The following CDK5RAP3 variants were observed in gnomAD, a reference collection of about 807,000 sequenced individuals.
CDK5RAP3 encodes CDK5 regulatory subunit-associated protein 3.
Under a neutral mutation model 73.3 loss-of-function variants are expected in CDK5RAP3, and 58 were observed. The observed-to-expected ratio is 0.79, with a 90% confidence interval of 0.64 to 0.98. CDK5RAP3 has a LOEUF of 0.98. Ranked by LOEUF, CDK5RAP3 falls within the 50% of genes least tolerant of loss-of-function variation. The pLI, the probability that CDK5RAP3 is intolerant of heterozygous loss-of-function variation, is 0.00. For synonymous variants in CDK5RAP3, 224 were observed against 247.5 expected, an observed-to-expected ratio of 0.91 and a Z score of 0.89; for missense variants, 525 against 615.8, an observed-to-expected ratio of 0.85 and a Z score of 1.56.
At chr17:47,969,580 A>AAAAAAAAAAAG (rs1567720961), upstream of CDK5RAP3, among the ~76,000 whole-genome samples, 5 of 131,370 alleles carry the variant, frequency 3.8e-5, no homozygotes, top group African/African-American at 1.2e-4. Flanking sequence ...AAAAAAAAAA[A>AAAAAAAAAAAG]AAAAGAAAAG....
In CDK5RAP3 at chr17:47,973,911, T is replaced by G; in HGVS notation, c.185-20T>G. 1 of 1,590,036 alleles carries G rather than the reference T, an allele frequency of 6.3e-7. No individual in the cohort carries two copies. The highest frequency in any genetic ancestry group is 8.6e-7 in the Non-Finnish European group (1 of 1,158,000). On this transcript the variant is annotated intron_variant, in intron 3 of 13. Transcript: ENST00000338399. ...GAAGAAGATACTTTAGTTCTCGAAA[T>G]CCCGTCTCTTGCTTTCTAGACATTC...
Position 47,975,260 on chromosome 17 carries a change from A to G in CDK5RAP3, c.436A>G (p.Lys146Glu). 1 of 1,614,138 alleles carries G rather than the reference A, an allele frequency of 6.2e-7. No homozygotes were observed. The highest frequency in any genetic ancestry group is 8.5e-7 in the Non-Finnish European group (1 of 1,180,018). The change falls in exon 6 of 14, where the codon AAG becomes GAG. Residue 146 changes from lysine to glutamate, a missense_variant. Physicochemically the swap from Lys to Glu is moderately conservative, Grantham distance 56. Coordinates refer to ENST00000338399, the MANE Select transcript of CDK5RAP3 (RefSeq NM_176096.3). ...GCAGCTGCAGCAAGAATACAGCCGC[A>G]AGGAGGAGGAGTGCCAGGCAGGGGC... ...CQQLQQEYSR[K>E]EEECQAGAAE...
upstream of CDK5RAP3, chr17:47,970,648 G>A (rs12947966): frequency 4.5e-3 from 6,943 of 1,535,432 alleles, 250 homozygotes; most frequent in African/African-American, 0.084. Context: ...ACTGAATGAG[G>A]AGGCAAAGCA....
chr17:47,980,280 C>CT (rs371210948), intron 11 of CDK5RAP3: 369 of 281,254 alleles, frequency 1.3e-3, no homozygotes, highest in Middle Eastern at 2.3e-3. Context: ...TTCTTTCTTC[C>CT]TTTTTTTTTA....
At position 47,976,541 on chromosome 17, in the gene CDK5RAP3, C is replaced by T. The variant is rs543891222; in HGVS notation, c.799-171C>T. 2.1e-5 allele frequency: 11 copies of T among 520,508 alleles called. No individual in the cohort carries two copies. In the African/African-American group the frequency reaches 2.1e-4, roughly 10 times the overall value. 32.2% of individuals were successfully genotyped at this position (520,508 alleles called of 1,614,324 possible). On this transcript the variant is annotated intron_variant, in intron 8 of 13. Coordinates refer to ENST00000338399, the MANE Select transcript of CDK5RAP3 (RefSeq NM_176096.3). The stretch of plus-strand genomic sequence containing the variant: ...CTCCTAGCTAATTTTTTATTAACAT[C>T]TTTGTAGGGACAGGATTTTGCCATA...
intron 1 of CDK5RAP3, 22 bp from the exon 2 acceptor site, chr17:47,971,337 CCCT>C: frequency 6.2e-7 from 1 of 1,607,282 alleles, no homozygotes; most frequent in Non-Finnish European, 8.5e-7. Context: ...GCTCACGCCC[CCCT>C]CCTCACCGTG....
At position 47,981,329 on chromosome 17, in the gene CDK5RAP3, A is replaced by C; in HGVS notation, c.1450A>C (p.Lys484Gln). ...LLLEKTKELQ[K>Q]LIEADISKRY... ...ACTGGAGAAGACCAAGGAGCTGCAG[A>C]AGCTGGTGAGATGGGAAAGGGAGGC... The change falls in exon 13 of 14, where the codon AAG becomes CAG. Residue 484 changes from lysine (K) to glutamine (Q), a missense_variant. Lys to Gln is a moderately conservative substitution (Grantham distance 53). Transcript: ENST00000338399. The C allele has an allele frequency of 6.2e-7, 1 of 1,614,074 alleles. No individual in the cohort carries two copies. Among genetic ancestry groups the C allele is most frequent in the African/African-American group, 1.3e-5 (1 of 75,046 alleles).
chr17:47,974,712 C>T (rs1392828823), intron 5 of CDK5RAP3: 2 of 1,342,444 alleles, frequency 1.5e-6, no homozygotes, highest in African/African-American at 3.0e-5. Flanking sequence ...CTCCACCACT[C>T]ACCTCTTGGT....
rs1427002161 is a variant in CDK5RAP3 at position 47,980,524 on chromosome 17, C to T, written c.1078-69C>T. On this transcript the variant is annotated intron_variant, in intron 11 of 13. Coordinates refer to ENST00000338399, the MANE Select transcript of CDK5RAP3 (RefSeq NM_176096.3). ...TCAAGCGATCCTCCTGCCTTGGCCT[C>T]CCACAGTGCTGGAATTGCAAGTGTG... 14 of 1,448,392 alleles carry T rather than the reference C, an allele frequency of 9.7e-6. No homozygotes were observed. The Admixed American group carries it at 2.3e-4, about 24-fold the overall frequency. The allele number at this position is 1,448,392 out of a possible 1,614,324, so 89.7% of individuals were successfully genotyped here. A position where few individuals can be genotyped will look rare whatever the true frequency, so the allele number is the denominator to read the frequency against.
At chr17:47,974,921 T>C in intron 5 of CDK5RAP3, 5 of 1,398,982 alleles carry the variant, frequency 3.6e-6, no homozygotes, top group Admixed American at 2.9e-5. Flanking sequence ...GAATTGTGCT[T>C]GGTGTGTCAT....
rs1407290006 is a variant in CDK5RAP3, at chr17:47,980,688, G to A, written c.1173G>A (p.Gln391=). The A allele has an allele frequency of 6.2e-7, 1 of 1,614,058 alleles. No individual in the cohort carries two copies. The highest frequency in any genetic ancestry group is 8.5e-7 in the Non-Finnish European group (1 of 1,180,042). ...SQFQLAPAIL[Q]GQTKEKMVTM... The stretch of plus-strand genomic sequence containing the variant: ...TCCAGCTGGCTCCAGCCATCCTGCA[G>A]GGCCAGACCAAAGAGAAGATGGTTA... Residue 391 remains glutamine (Q), a synonymous_variant, in exon 12 of 14, where the codon CAG becomes CAA. Transcript: ENST00000338399.
intron 9 of CDK5RAP3, 34 bp from the exon 10 acceptor site, chr17:47,977,798 C>A: frequency 6.3e-7 from 1 of 1,576,828 alleles, no homozygotes; most frequent in Non-Finnish European, 8.7e-7. Flanking sequence ...GAAAATTCTC[C>A]CCCCATTGCT....
chr17:47,973,707 G>C lies in CDK5RAP3; in HGVS notation c.184+57G>C, dbSNP rs1345077726. On this transcript the variant is annotated intron_variant, in intron 3 of 13. Transcript: ENST00000338399. ...CTCTTTGCTGAGGTAGTATGTATCA[G>C]CTGAGCTACTCTCTTGTTATTTAGC... is the stretch of plus-strand genomic sequence containing the variant. 13 of 1,597,958 alleles carry C rather than the reference G, an allele frequency of 8.1e-6. No homozygotes were observed. In the South Asian group the frequency reaches 1.0e-4, roughly 12 times the overall value.
At position 47,973,944 on chromosome 17, in the gene CDK5RAP3, T is replaced by C. The variant is rs761598677; in HGVS notation, c.198T>C (p.Phe66=). ...CTTGCTTTCTAGACATTCACTACTTTCACTGCCTAAGAATCCTGGACCTTC... is the reference window on the plus strand; with the variant it reads ...CTTGCTTTCTAGACATTCACTACTTCCACTGCCTAAGAATCCTGGACCTTC... The part of the protein sequence containing the change: ...QLLSGSYIHY[F]HCLRILDLLK... The change falls in exon 4 of 14, where the codon TTT becomes TTC. Residue 66 remains phenylalanine, a synonymous_variant. Transcript: ENST00000338399. The C allele has an allele frequency of 1.2e-5, 20 of 1,613,456 alleles. No individual in the cohort carries two copies. The highest frequency in any genetic ancestry group is 1.0e-4 in the Admixed American group (6 of 60,002).
At chr17:47,978,069 G>GTT (rs71366815) in intron 10 of CDK5RAP3, 159 bp downstream of exon 10, 134,912 of 294,210 alleles carry the variant, frequency 0.46, 26,898 homozygotes, top group Admixed American at 0.5. Context: ...ACCAAGAGAG[G>GTT]TTTTTTTTTT....
In CDK5RAP3 at chr17:47,975,976, AC is replaced by A; in HGVS notation, c.763del (p.Leu255SerfsTer20). ...GTEPSVVERP[H>X]LEELPEQVAE... is the part of the protein sequence containing the mutation. ...GAGCCCTCTGTGGTGGAACGACCCC[AC>A]CTCGAGGAGCTTCCTGAGCAGGTGG... is the stretch of plus-strand genomic sequence containing the variant. On this transcript the variant is annotated frameshift_variant, in exon 8 of 14. Coordinates refer to ENST00000338399, the MANE Select transcript of CDK5RAP3 (RefSeq NM_176096.3). LOFTEE classifies it high-confidence loss of function. 1 of 1,614,106 alleles carries A rather than the reference AC, an allele frequency of 6.2e-7. No individual in the cohort carries two copies.
In CDK5RAP3 at chr17:47,973,581, GAGA is replaced by G. The variant is rs1344045538; in HGVS notation, c.119_121del (p.Lys40del). On this transcript the variant is annotated inframe_deletion, in exon 3 of 14. Transcript: ENST00000338399. ...GCAGAGTCTGGTGCTGACGATCCGC[GAGA>G]AGATCAATGCTGCCATCCAGGACAT... is the stretch of plus-strand genomic sequence containing the variant. 5 of 1,614,042 alleles carry G rather than the reference GAGA, an allele frequency of 3.1e-6. No individual in the cohort carries two copies. Among genetic ancestry groups the G allele is most frequent in the East Asian group, 2.2e-5 (1 of 44,896 alleles).
chr17:47,975,361 A>G, intron 6 of CDK5RAP3, 24 bp downstream of exon 6: 1 of 1,611,356 alleles, frequency 6.2e-7, no homozygotes, highest in Non-Finnish European at 8.5e-7. Context: ...GCCTCTTCGC[A>G]GCCAGAGGAC....
Position 47,981,310 on chromosome 17 carries a change from G to A in CDK5RAP3, c.1431G>A (p.Glu477=), listed in dbSNP as rs199527520. Residue 477 remains glutamate, a synonymous_variant, in exon 13 of 14, where the codon GAG becomes GAA. Coordinates refer to ENST00000338399, the MANE Select transcript of CDK5RAP3 (RefSeq NM_176096.3). ...AGCCTAAGCTGGACCTGCTACTGGA[G>A]AAGACCAAGGAGCTGCAGAAGCTGG... The part of the protein sequence containing the change: ...ALEPKLDLLL[E]KTKELQKLIE... The A allele has an allele frequency of 1.4e-3, 2,244 of 1,614,212 alleles. 3 individuals are homozygous for A. Among genetic ancestry groups the A allele is most frequent in the Non-Finnish European group, 1.7e-3 (1,983 of 1,180,006 alleles).
Sources: gnomAD v4.1 joint callset for allele counts (sites outside exome capture counted in the v4.1 genomes callset) on GRCh38, gnomAD v4.1.1 for gene constraint, MANE v1.5 for transcripts, NCBI Gene and HGNC (gene_info 2026-07-23, HGNC 2026-07-21) for gene names.